Variants in KALRN observed in about 807,000 individuals in gnomAD.
KALRN encodes the protein kalirin.
In KALRN, 70 loss-of-function variants were observed where a neutral mutation model predicts 353.7. The observed-to-expected ratio is 0.20, with a 90% CI of 0.16 to 0.24. The LOEUF is 0.24. Ranked by LOEUF, KALRN falls within the 10% of genes least tolerant of loss-of-function variation. The pLI, the probability that KALRN is intolerant of heterozygous loss-of-function variation, is 1.00. For synonymous variants in KALRN, 1,391 were observed against 1,434.8 expected, an observed-to-expected ratio of 0.97 and a Z score of 0.69; for missense variants, 2,791 against 3,756.7, an observed-to-expected ratio of 0.74 and a Z score of 6.72.
chr3:124,408,374 A>C (rs1156989034), intron 13 of KALRN, among the ~76,000 whole-genome samples: 5 of 152,222 alleles, frequency 3.3e-5, no homozygotes, highest in Admixed American at 2.0e-4. Flanking sequence ...TTCTTGGAGC[A>C]GCCCTATTGT....
At chr3:124,709,655 G>C (rs2062798687) in intron 57 of KALRN, among the ~76,000 whole-genome samples, 1 of 152,144 alleles carries the variant, frequency 6.6e-6, no homozygotes, top group African/African-American at 2.4e-5. Context: ...AAATAAATGG[G>C]AAATAGAATA....
intron 29 of KALRN, among the ~76,000 whole-genome samples, chr3:124,490,051 G>C (rs1423191920): frequency 2.6e-5 from 4 of 152,108 alleles, no homozygotes; most frequent in African/African-American, 9.7e-5. Context: ...AGGATCACTT[G>C]AGCTCAAGAC....
rs1186947816 is a variant in KALRN, at chr3:124,563,081, T to C, written c.5174T>C (p.Leu1725Ser). 7.3e-7 allele frequency: 1 copy of C among 1,367,302 alleles called. No homozygotes were observed. Among genetic ancestry groups the C allele is most frequent in the Non-Finnish European group, 9.8e-7 (1 of 1,021,890 alleles). The allele number at this position is 1,367,302 out of a possible 1,614,324, so 84.7% of individuals were successfully genotyped here. A position where few individuals can be genotyped will look rare whatever the true frequency, so the allele number is the denominator to read the frequency against. The change falls in exon 34 of 60, where the codon TTG (leucine) becomes TCG (serine). Residue 1725 changes from leucine (L) to serine (S), a missense_variant. By Grantham distance (145) the Leu-to-Ser change is moderately radical. Transcript: ENST00000682506. ...GTGGAGATGGACTGCTTCTTCCCCT[T>C]GGTGAAAGGTAGGAGAACAGAGCGG... ...SSVEMDCFFP[L>S]VKDAYSHSSS...
chr3:124,332,173 G>A (rs1469503255), intron 8 of KALRN, among the ~76,000 whole-genome samples: 1 of 152,090 alleles, frequency 6.6e-6, no homozygotes, highest in Non-Finnish European at 1.5e-5. Context: ...TCCTCTCCTG[G>A]CCTCTGCTGC....
At chr3:124,583,858 T>C (rs2074855980) in intron 34 of KALRN, among the ~76,000 whole-genome samples, 1 of 152,168 alleles carries the variant, frequency 6.6e-6, no homozygotes, top group Non-Finnish European at 1.5e-5. Context: ...CATCCATAGA[T>C]ATTTTTAAAT....
intron 34 of KALRN, among the ~76,000 whole-genome samples, chr3:124,606,600 G>A (rs7632861): frequency 0.11 from 16,896 of 152,020 alleles, 2,118 homozygotes; most frequent in East Asian, 0.43. Flanking sequence ...GTTAAAGTCA[G>A]GTAAATTATA....
At chr3:124,535,930 TG>T in intron 33 of KALRN, among the ~76,000 whole-genome samples, 1 of 152,246 alleles carries the variant, frequency 6.6e-6, no homozygotes, top group East Asian at 1.9e-4. Flanking sequence ...CCTAGATGGA[TG>T]GTGTTCCAGG....
chr3:124,725,609 G>C lies in KALRN; in HGVS notation c.*6139G>C, dbSNP rs2063409484. 6.6e-6 allele frequency: 1 copy of C among 152,168 alleles called. No individual in the cohort carries two copies. Among genetic ancestry groups the C allele is most frequent in the Admixed American group, 6.5e-5 (1 of 15,274 alleles). The allele number at this position is 152,168 out of a possible 1,614,324, so 9.4% of individuals were successfully genotyped here. On this transcript the variant is annotated 3_prime_UTR_variant, in exon 60 of 60. Transcript: ENST00000682506. ...TTTAGGGCCATTCAAAACCATTAGGGCTAATTTGTGGAGACGAATTCTACT... is the reference window on the plus strand; with the variant it reads ...TTTAGGGCCATTCAAAACCATTAGGCCTAATTTGTGGAGACGAATTCTACT...
chr3:124,082,531 TAGTG>T (rs1256092702), intron 1 of KALRN, among the ~76,000 whole-genome samples: 2 of 152,042 alleles, frequency 1.3e-5, no homozygotes, highest in Non-Finnish European at 2.9e-5. Flanking sequence ...CTAAAAAACA[TAGTG>T]AGGAATGCAG....
intron 21 of KALRN, among the ~76,000 whole-genome samples, chr3:124,454,975 T>C (rs72980531): frequency 0.011 from 1,747 of 152,288 alleles, 33 homozygotes; most frequent in African/African-American, 0.038. Flanking sequence ...TGATTTCCTT[T>C]TTGCAGATGA....
At chr3:124,340,678 G>A (rs1581140862) in intron 9 of KALRN, among the ~76,000 whole-genome samples, 1 of 152,158 alleles carries the variant, frequency 6.6e-6, no homozygotes, top group Middle Eastern at 3.4e-3. Flanking sequence ...TTTCCAGCTG[G>A]GCGTGGTGGC....
intron 5 of KALRN, among the ~76,000 whole-genome samples, chr3:124,284,318 C>T (rs2149070038): frequency 6.6e-6 from 1 of 152,340 alleles, no homozygotes; most frequent in African/African-American, 2.4e-5. Context: ...CTCCCTATCT[C>T]CTACTATGGC....
chr3:124,659,318 C>G (rs963798878), intron 42 of KALRN, 47 bp from the exon 43 acceptor site: 2 of 1,288,566 alleles, frequency 1.6e-6, no homozygotes, highest in African/African-American at 2.9e-5. Context: ...CAAAGCACCC[C>G]AGTTCTTCAG....
chr3:124,629,261 G>A (rs181035591), intron 34 of KALRN, among the ~76,000 whole-genome samples: 7 of 152,230 alleles, frequency 4.6e-5, no homozygotes, highest in East Asian at 1.9e-4. Context: ...AGTGTCTCAC[G>A]TTCATTTCTT....
rs1576833433 is a variant in KALRN at position 124,426,868 on chromosome 3, A to G, written c.2710-3788A>G. ...GAAAGACCTACCTAATGAGCATAAA[A>G]CTAAATGAATTTCCATATGTATTCC... On this transcript the variant is annotated intron_variant, in intron 15 of 59. Coordinates refer to ENST00000682506, the MANE Select transcript of KALRN (RefSeq NM_001388419.1). 5.3e-5 allele frequency among the ~76,000 whole-genome samples: 8 copies of G among 152,358 alleles called. No homozygotes were observed. In the South Asian group the frequency reaches 1.7e-3, roughly 32 times the overall value.
chr3:124,063,811 G>T (rs1000567466), intron 1 of KALRN, among the ~76,000 whole-genome samples: 2 of 152,152 alleles, frequency 1.3e-5, no homozygotes, highest in Non-Finnish European at 2.9e-5. Context: ...TGTCTCGAGG[G>T]TGTTCCATAT....
intron 11 of KALRN, 26 bp downstream of exon 11, chr3:124,385,062 C>T (rs1344375779): frequency 1.3e-6 from 2 of 1,553,522 alleles, no homozygotes; most frequent in Non-Finnish European, 1.8e-6. Context: ...GGAGAGAGGG[C>T]ATTCTGTCCT....
intron 11 of KALRN, among the ~76,000 whole-genome samples, chr3:124,392,583 T>C (rs2089569659): frequency 2.0e-5 from 3 of 148,086 alleles, no homozygotes; most frequent in Admixed American, 6.7e-5. Flanking sequence ...TTTTTAACAA[T>C]TTATTGTATA....
chr3:124,569,723 T>C (rs929491362), intron 34 of KALRN, among the ~76,000 whole-genome samples: 1 of 152,242 alleles, frequency 6.6e-6, no homozygotes, highest in African/African-American at 2.4e-5. Context: ...TGACTTGGCT[T>C]GTTAGCCAGT....
Sources: allele counts gnomAD v4.1 joint callset (sites outside exome capture counted in the v4.1 genomes callset), GRCh38; gene constraint gnomAD v4.1.1; transcripts MANE v1.5; gene names NCBI Gene and HGNC (gene_info 2026-07-23, HGNC 2026-07-21).